Variants in CPM observed in about 807,000 individuals in gnomAD.
The protein encoded by CPM is carboxypeptidase M.
CPM carries 35 observed loss-of-function variants against 46.4 expected under a neutral mutation model. The ratio of observed to expected loss-of-function variants is 0.75; its 90% CI spans 0.58 to 1.00. The LOEUF (loss-of-function observed/expected upper bound fraction) is 1.00, where lower values mean the gene tolerates loss of function less well. Among genes scored for constraint, CPM ranks in the 50% least tolerant of loss-of-function variants. CPM has a pLI of 0.00. For synonymous variants in CPM, 195 were observed against 195.3 expected, an observed-to-expected ratio of 1.00 and a Z score of 0.01; for missense variants, 422 against 530.4, an observed-to-expected ratio of 0.80 and a Z score of 2.01.
chr12:68,886,969 C>T (rs1292698968), intron 2 of CPM, among the ~76,000 whole-genome samples: 1 of 152,142 alleles, frequency 6.6e-6, no homozygotes, highest in Admixed American at 6.5e-5. Flanking sequence ...CCAAACTTTA[C>T]AAATGAAAAA....
chr12:68,953,374 A>T (rs939909794), intron 1 of CPM, among the ~76,000 whole-genome samples: 4 of 151,978 alleles, frequency 2.6e-5, no homozygotes, highest in Admixed American at 2.0e-4. Flanking sequence ...CTTCTGTTGG[A>T]ATTCTATCTA....
intron 2 of CPM, among the ~76,000 whole-genome samples, chr12:68,906,809 A>C (rs778535337): frequency 2.0e-5 from 3 of 152,254 alleles, no homozygotes; most frequent in Non-Finnish European, 4.4e-5. Context: ...TGTAGACAGC[A>C]GCCTCAAAGC....
At position 68,890,906 on chromosome 12, in the gene CPM, T is replaced by G. The variant is rs189179703; in HGVS notation, c.161-5017A>C. Among the ~76,000 whole-genome samples, 41 of 152,326 alleles carry G rather than the reference T, an allele frequency of 2.7e-4. 1 individual carries two copies. The highest frequency in any genetic ancestry group is 1.6e-4 in the Non-Finnish European group (11 of 68,032). On this transcript the variant is annotated intron_variant, in intron 2 of 8. Transcript: ENST00000551568. The stretch of plus-strand genomic sequence containing the variant: ...GCAGTGATGTGAAGCACATTCCAGT[T>G]TTTCGTGAGGCTTGTTGTGTGTTTG...
upstream of CPM, among the ~76,000 whole-genome samples, chr12:68,935,862 T>A (rs1888665619): frequency 6.6e-6 from 1 of 152,178 alleles, no homozygotes; most frequent in African/African-American, 2.4e-5. Flanking sequence ...CCTATCTTTT[T>A]AAGAGAAGTA....
At chr12:68,934,381 T>C (rs946216227), upstream of CPM, among the ~76,000 whole-genome samples, 2 of 152,178 alleles carry the variant, frequency 1.3e-5, no homozygotes, top group African/African-American at 4.8e-5. Context: ...TGAGAACCGT[T>C]AGATTCCCTG....
At chr12:68,901,678 G>C (rs1887118921) in intron 2 of CPM, among the ~76,000 whole-genome samples, 1 of 152,218 alleles carries the variant, frequency 6.6e-6, no homozygotes, top group Non-Finnish European at 1.5e-5. Flanking sequence ...AGAATAAGCA[G>C]TCAGTAAAGT....
intron 3 of CPM, among the ~76,000 whole-genome samples, chr12:68,875,430 A>G (rs529469626): frequency 2.0e-5 from 3 of 152,200 alleles, no homozygotes; most frequent in Non-Finnish European, 4.4e-5. Context: ...GACATAAAAT[A>G]CTATCAAAAG....
intron 3 of CPM, among the ~76,000 whole-genome samples, chr12:68,885,475 C>T (rs536229460): frequency 6.6e-6 from 1 of 152,118 alleles, no homozygotes; most frequent in Non-Finnish European, 1.5e-5. Flanking sequence ...AAAACTTAAC[C>T]CAGAAAGGAG....
chr12:68,847,212 A>ATATATATATATATATATATAT (rs1565756816), downstream of CPM: 4 of 136,932 alleles, frequency 2.9e-5, no homozygotes, highest in East Asian at 2.0e-4. Flanking sequence ...ATATATATAT[A>ATATATATATATATATATATAT]CTTTTTTTAG....
rs115443459 is a variant in CPM, at chr12:68,961,649, C to G, written c.-4+1520G>C. ...GTTGAATGAGCCAGGCATGGTGGCTCGCACTTGTAATCCCAGCACTTTGGG... is the reference window on the plus strand; with the variant it reads ...GTTGAATGAGCCAGGCATGGTGGCTGGCACTTGTAATCCCAGCACTTTGGG... On this transcript the variant is annotated intron_variant, in intron 1 of 8. Transcript: ENST00000546373. Among the ~76,000 whole-genome samples the G allele has an allele frequency of 8.3e-4, 126 of 152,112 alleles. 1 individual carries two copies. The highest frequency in any genetic ancestry group is 3.0e-3 in the African/African-American group (123 of 41,500).
At chr12:68,961,237 G>A (rs1170295666) in intron 1 of CPM, among the ~76,000 whole-genome samples, 1 of 152,094 alleles carries the variant, frequency 6.6e-6, no homozygotes, top group African/African-American at 2.4e-5. Context: ...GCAACCTCCA[G>A]TGAGCTCAAG....
intron 3 of CPM, among the ~76,000 whole-genome samples, chr12:68,873,498 A>G (rs1885801323): frequency 6.6e-6 from 1 of 151,992 alleles, no homozygotes; most frequent in South Asian, 2.1e-4. Context: ...AGATCCCATC[A>G]CTACATAAAA....
intron 7 of CPM, among the ~76,000 whole-genome samples, chr12:68,860,413 G>A (rs1254936248): frequency 5.3e-5 from 8 of 151,936 alleles, no homozygotes; most frequent in Non-Finnish European, 8.8e-5. Flanking sequence ...ACCTGATTAC[G>A]CATTTATTCC....
chr12:68,885,288 T>C (rs959176587), intron 3 of CPM, among the ~76,000 whole-genome samples: 4 of 152,190 alleles, frequency 2.6e-5, no homozygotes, highest in Non-Finnish European at 4.4e-5. Flanking sequence ...ATAAGTGTGA[T>C]TGTCTAAACT....
intron 4 of CPM, among the ~76,000 whole-genome samples, chr12:68,871,459 C>T (rs529237469): frequency 2.0e-4 from 31 of 151,870 alleles, no homozygotes; most frequent in Non-Finnish European, 4.1e-4. Flanking sequence ...GGCAGGGAAA[C>T]GGTGTGTGTA....
intron 2 of CPM, among the ~76,000 whole-genome samples, chr12:68,906,093 C>T (rs1030682053): frequency 5.3e-5 from 8 of 152,192 alleles, no homozygotes; most frequent in Admixed American, 3.9e-4. Flanking sequence ...GTTTTCCTAC[C>T]ATCCCAATGT....
At chr12:68,961,957 T>G (rs1889122481) in intron 1 of CPM, among the ~76,000 whole-genome samples, 1 of 152,152 alleles carries the variant, frequency 6.6e-6, no homozygotes, top group African/African-American at 2.4e-5. Context: ...TCCCAGCACT[T>G]TGGGAGGCCA....
intron 2 of CPM, among the ~76,000 whole-genome samples, chr12:68,887,978 C>T (rs1886508238): frequency 6.6e-6 from 1 of 152,152 alleles, no homozygotes; most frequent in South Asian, 2.1e-4. Flanking sequence ...ATTCCCCAAC[C>T]CTGTCAATTC....
chr12:68,893,762 C>T (rs1320790266), intron 2 of CPM, among the ~76,000 whole-genome samples: 2 of 152,302 alleles, frequency 1.3e-5, no homozygotes, highest in Non-Finnish European at 2.9e-5. Flanking sequence ...TCCCGTTGCA[C>T]AGATTCTGGT....
Sources: allele counts gnomAD v4.1 joint callset (sites outside exome capture counted in the v4.1 genomes callset), GRCh38; gene constraint gnomAD v4.1.1; transcripts MANE v1.5; gene names NCBI Gene and HGNC (gene_info 2026-07-23, HGNC 2026-07-21).